The following WNK3 variants were observed in gnomAD, a reference collection of about 807,000 sequenced individuals.
WNK3 encodes serine/threonine-protein kinase WNK3.
A neutral mutation model predicts 116.7 loss-of-function variants in WNK3; 18 were observed. The ratio of observed to expected loss-of-function variants is 0.15; its 90% CI spans 0.11 to 0.23. The LOEUF is 0.23. WNK3 is among the 10% of genes least tolerant of loss of function. WNK3 has a pLI of 1.00. For synonymous variants in WNK3, 404 were observed against 469.4 expected (o/e 0.86, Z 1.80); for missense variants, 993 against 1,323.8 (o/e 0.75, Z 3.88).
chrX:54,216,299 AT>A (rs2067694821), intron 22 of WNK3, among the ~76,000 whole-genome samples: 2 of 105,998 alleles, frequency 1.9e-5, no homozygotes, highest in Admixed American at 1.0e-4. Flanking sequence ...TAAAATATAT[AT>A]ATATATATAT....
intron 1 of WNK3, among the ~76,000 whole-genome samples, chrX:54,352,951 C>G (rs2069537930): frequency 9.0e-6 from 1 of 111,696 alleles, no homozygotes; most frequent in African/African-American, 3.3e-5. Context: ...CAAAAACATG[C>G]TGAGTGAAAG....
At chrX:54,243,413 T>C (rs1419768689) in intron 17 of WNK3, among the ~76,000 whole-genome samples, 2 of 68,455 alleles carry the variant, frequency 2.9e-5, no homozygotes, top group African/African-American at 6.5e-5. Flanking sequence ...AGTGCGAGAC[T>C]CCGTCTCAAA....
At chrX:54,337,202 T>G (rs1223439722) in intron 1 of WNK3, among the ~76,000 whole-genome samples, 2 of 111,696 alleles carry the variant, frequency 1.8e-5, no homozygotes, top group African/African-American at 6.5e-5. Flanking sequence ...CCAAAAATAG[T>G]TAAGCCAGAG....
intron 17 of WNK3, among the ~76,000 whole-genome samples, chrX:54,242,353 GAGTGACCTACAGATTCA>G (rs2146897755): frequency 8.9e-6 from 1 of 112,027 alleles, no homozygotes; most frequent in South Asian, 3.7e-4. Context: ...ACAGTCCACA[GAGTGACCTACAGATTCA>G]ATGCAATCCC....
chrX:54,315,522 T>C (rs1202887054), intron 2 of WNK3, among the ~76,000 whole-genome samples: 2 of 111,265 alleles, frequency 1.8e-5, no homozygotes, highest in African/African-American at 3.3e-5. Context: ...ATGAATATCT[T>C]TTTCACCCTG....
chrX:54,201,495 A>G (rs2067500317), intron 23 of WNK3, among the ~76,000 whole-genome samples: 2 of 112,307 alleles, frequency 1.8e-5, no homozygotes, highest in African/African-American at 6.5e-5. Context: ...TATTGACGTG[A>G]AACACAGGAA....
intron 10 of WNK3, among the ~76,000 whole-genome samples, chrX:54,266,667 C>T (rs997258480): frequency 7.3e-5 from 8 of 110,275 alleles, no homozygotes; most frequent in African/African-American, 1.3e-4. Context: ...CCTCCTGAGT[C>T]GCTGAGACTA....
At chrX:54,283,401 C>G (rs1201725356) in intron 10 of WNK3, among the ~76,000 whole-genome samples, 18 of 111,994 alleles carry the variant, frequency 1.6e-4, no homozygotes, top group African/African-American at 5.8e-4. Flanking sequence ...TGCTCAACAT[C>G]ATTAGTCTTC....
chrX:54,265,364 G>A (rs1183534569), intron 10 of WNK3, among the ~76,000 whole-genome samples: 1 of 111,532 alleles, frequency 9.0e-6, no homozygotes, highest in African/African-American at 3.3e-5. Context: ...GCATGTGCCT[G>A]TAATTCCAGC....
At position 54,277,757 on chromosome X, in the gene WNK3, T is replaced by C. The variant is rs137948407; in HGVS notation, c.2037+15131A>G. ...TTCAACATCAACACACACGATCACA[T>C]TTCTATACTCTAACAAGGAACATGT... On this transcript the variant is annotated intron_variant, in intron 10 of 23. Transcript: ENST00000354646. 4.8e-3 allele frequency among the ~76,000 whole-genome samples: 531 copies of C among 111,737 alleles called. 2 individuals are homozygous for C. The highest frequency in any genetic ancestry group is 0.016 in the African/African-American group (498 of 30,804).
At chrX:54,346,701 A>G (rs1466595372) in intron 1 of WNK3, among the ~76,000 whole-genome samples, 3 of 110,833 alleles carry the variant, frequency 2.7e-5, no homozygotes, top group African/African-American at 9.8e-5. Context: ...ATTTCGGGCA[A>G]ATTAGTTAAC....
chrX:54,254,338 GT>G (rs1557155023), intron 12 of WNK3, among the ~76,000 whole-genome samples: 1 of 111,822 alleles, frequency 8.9e-6, no homozygotes, highest in Non-Finnish European at 1.9e-5. Flanking sequence ...AGCAAAAAAA[GT>G]TATAATAGTC....
At chrX:54,321,059 G>A (rs1325888701) in intron 2 of WNK3, among the ~76,000 whole-genome samples, 1 of 109,172 alleles carries the variant, frequency 9.2e-6, no homozygotes, top group Non-Finnish European at 1.9e-5. Context: ...ACCATGCGCC[G>A]CTAATTTTGG....
intron 10 of WNK3, among the ~76,000 whole-genome samples, chrX:54,281,948 T>G (rs782650683): frequency 9.0e-6 from 1 of 111,691 alleles, no homozygotes; most frequent in South Asian, 3.8e-4. Context: ...AGATACTGAT[T>G]TCTTTTCGTT....
chrX:54,213,553 CA>C (rs782580375), intron 22 of WNK3, among the ~76,000 whole-genome samples: 12 of 14,267 alleles, frequency 8.4e-4, no homozygotes, highest in East Asian at 5.5e-3. Context: ...GACTCCGTCT[CA>C]AAAAAAAAAA....
At chrX:54,211,736 A>G (rs782308488) in intron 22 of WNK3, among the ~76,000 whole-genome samples, 175 of 109,891 alleles carry the variant, frequency 1.6e-3, no homozygotes, top group African/African-American at 5.6e-3. Flanking sequence ...TGAGCCCGGG[A>G]GGCGGAGGTA....
At chrX:54,357,029 T>A (rs782047727) in intron 1 of WNK3, among the ~76,000 whole-genome samples, 1 of 109,919 alleles carries the variant, frequency 9.1e-6, no homozygotes, top group East Asian at 2.9e-4. Context: ...CACCACCCCT[T>A]CCCAAATAAC....
intron 10 of WNK3, among the ~76,000 whole-genome samples, chrX:54,261,639 C>G (rs781941346): frequency 1.8e-5 from 2 of 111,866 alleles, no homozygotes; most frequent in African/African-American, 6.5e-5. Flanking sequence ...AACACACACA[C>G]ACACACACGT....
At chrX:54,333,539 G>A in exon 2 of WNK3, 3 of 1,211,349 alleles carry the variant, frequency 2.5e-6, no homozygotes, top group Non-Finnish European at 3.4e-6. Context: ...AAGCAGAGAA[G>A]GTACTGTTTT....
Sources: gnomAD v4.1 joint callset for allele counts (sites outside exome capture counted in the v4.1 genomes callset) on GRCh38, gnomAD v4.1.1 for gene constraint, MANE v1.5 for transcripts, NCBI Gene and HGNC (gene_info 2026-07-23, HGNC 2026-07-21) for gene names.